ATP13A4: variants seen among roughly 807,000 people sequenced by gnomAD.
ATP13A4 encodes the protein probable cation-transporting ATPase 13A4.
Under a neutral mutation model 142.5 loss-of-function variants are expected in ATP13A4, and 114 were observed. The ratio of observed to expected loss-of-function variants is 0.80; its 90% CI spans 0.69 to 0.93. The LOEUF is 0.93. Among genes scored for constraint, ATP13A4 ranks in the 40% least tolerant of loss-of-function variants. The pLI is 0.00. For synonymous variants in ATP13A4, 488 were observed against 514.8 expected (o/e 0.95, Z 0.70); for missense variants, 1,392 against 1,454.0 (o/e 0.96, Z 0.69).
At chr3:193,557,226 G>A (rs1723921450), upstream of ATP13A4, among the ~76,000 whole-genome samples, 1 of 152,182 alleles carries the variant, frequency 6.6e-6, no homozygotes, top group Non-Finnish European at 1.5e-5. Context: ...ATAAAAATCA[G>A]ATGTCCATGG....
intron 25 of ATP13A4, among the ~76,000 whole-genome samples, chr3:193,420,659 T>C (rs973704450): frequency 6.7e-6 from 1 of 149,018 alleles, no homozygotes; most frequent in Admixed American, 7.0e-5. Context: ...TTAGGAAAAT[T>C]AGGAGAAGAG....
At chr3:193,483,870 A>G in intron 8 of ATP13A4, 66 bp downstream of exon 8, 1 of 1,247,482 alleles carries the variant, frequency 8.0e-7, no homozygotes, top group South Asian at 1.2e-5. Context: ...GCAATCAGAA[A>G]TACAAATTTA....
At position 193,433,840 on chromosome 3, in the gene ATP13A4, C is replaced by T. The variant is rs750071304; in HGVS notation, c.2842+5G>A. On this transcript the variant is annotated splice_donor_5th_base_variant and intron_variant, in intron 25 of 29. Coordinates refer to ENST00000342695, the MANE Select transcript of ATP13A4 (RefSeq NM_032279.4). Reference sequence around the variant, plus strand: ...CTCTGGTAAGAAAGTTTTAAAATGTCTTACTTGTTACACCAATAAGAGTTG... The same window carrying T: ...CTCTGGTAAGAAAGTTTTAAAATGTTTTACTTGTTACACCAATAAGAGTTG... 1 of 1,611,512 alleles carries T rather than the reference C, an allele frequency of 6.2e-7. No individual in the cohort carries two copies. Among genetic ancestry groups the T allele is most frequent in the Non-Finnish European group, 8.5e-7 (1 of 1,177,698 alleles).
At chr3:193,526,560 C>T (rs1462897526) in intron 1 of ATP13A4, among the ~76,000 whole-genome samples, 4 of 152,028 alleles carry the variant, frequency 2.6e-5, no homozygotes, top group African/African-American at 9.7e-5. Flanking sequence ...CTATGGCACA[C>T]GTATATCTAC....
intron 25 of ATP13A4, among the ~76,000 whole-genome samples, chr3:193,423,253 G>T (rs1483788786): frequency 6.7e-6 from 1 of 149,490 alleles, no homozygotes; most frequent in Non-Finnish European, 1.5e-5. Context: ...TTCAGTACCT[G>T]ATGGCTTCTC....
intron 9 of ATP13A4, among the ~76,000 whole-genome samples, chr3:193,469,335 A>G (rs1250635115): frequency 2.0e-5 from 3 of 152,218 alleles, no homozygotes; most frequent in Admixed American, 6.5e-5. Flanking sequence ...TGAGAAATTT[A>G]AAGAATCAGG....
At chr3:193,510,315 TC>T (rs1246144643) in intron 2 of ATP13A4, among the ~76,000 whole-genome samples, 1 of 152,154 alleles carries the variant, frequency 6.6e-6, no homozygotes. Flanking sequence ...GCGAAAATAC[TC>T]CCCATTAAAA....
rs375684599 is a variant in ATP13A4 at position 193,407,398 on chromosome 3, C to T, written c.3298-5G>A. The T allele has an allele frequency of 2.5e-5, 41 of 1,609,018 alleles. No homozygotes were observed. The highest frequency in any genetic ancestry group is 2.2e-4 in the Admixed American group (13 of 59,972). ...CAGGACGGGAGTGCAGAGCAGCTGG[C>T]GGGAGATGATGAAGCACAGTTAGTC... On this transcript the variant is annotated splice_region_variant and splice_polypyrimidine_tract_variant and intron_variant, in intron 28 of 29. Coordinates refer to ENST00000342695, the MANE Select transcript of ATP13A4 (RefSeq NM_032279.4).
intron 8 of ATP13A4, among the ~76,000 whole-genome samples, chr3:193,482,512 A>G (rs75353133): frequency 2.0e-5 from 3 of 152,330 alleles, no homozygotes; most frequent in African/African-American, 7.2e-5. Context: ...TTTGCAAATC[A>G]TTTATCTGAT....
rs567187083 is a variant in ATP13A4 at position 193,400,961 on chromosome 3, G to A, written c.*1691C>T. 3.9e-5 allele frequency among the ~76,000 whole-genome samples: 6 copies of A among 152,312 alleles called. No individual in the cohort carries two copies. In the South Asian group the frequency reaches 1.2e-3, roughly 32 times the overall value. ...ATTTCTTTCTGTACCAAAAAAGACAGTGATTCTGCAGTCTTGAAACACTAA... is the reference window on the plus strand; with the variant it reads ...ATTTCTTTCTGTACCAAAAAAGACAATGATTCTGCAGTCTTGAAACACTAA... On this transcript the variant is annotated 3_prime_UTR_variant, in exon 30 of 30. Transcript: ENST00000342695.
At position 193,440,465 on chromosome 3, in the gene ATP13A4, T is replaced by C; in HGVS notation, c.2519+93A>G. On this transcript the variant is annotated intron_variant, in intron 21 of 29. Transcript: ENST00000342695. ...CAGCCGAAGTACGGACCACTGCCCTTGTCAAACTGAGTGACTCCTGGTACC... is the reference window on the plus strand; with the variant it reads ...CAGCCGAAGTACGGACCACTGCCCTCGTCAAACTGAGTGACTCCTGGTACC... 2.5e-6 allele frequency: 4 copies of C among 1,590,808 alleles called. No individual in the cohort carries two copies. In the South Asian group the frequency reaches 3.4e-5, roughly 14 times the overall value.
chr3:193,423,680 A>G (rs1715509520), intron 25 of ATP13A4, among the ~76,000 whole-genome samples: 1 of 149,996 alleles, frequency 6.7e-6, no homozygotes. Flanking sequence ...ATGCACCTCA[A>G]TGCAATAAAG....
intron 8 of ATP13A4, among the ~76,000 whole-genome samples, chr3:193,474,390 C>T (rs752377287): frequency 7.3e-6 from 1 of 136,644 alleles, no homozygotes; most frequent in Non-Finnish European, 1.6e-5. Context: ...CCCATCTGTA[C>T]AAAAAATACA....
chr3:193,438,489 T>C lies in ATP13A4; in HGVS notation c.2658A>G (p.Val886=). ...TGCCTACTTACTTGATAAGGTGAGG[T>C]ACGCACTCAATGTTTGGAGTTTTGG... The part of the protein sequence containing the change: ...FTSKTPNIEC[V]PHLIKEGRAA... The change falls in exon 23 of 30, where the codon GTA becomes GTG. Residue 886 remains valine (V), a synonymous_variant. Transcript: ENST00000342695. The C allele has an allele frequency of 6.2e-7, 1 of 1,612,432 alleles. No homozygotes were observed. The highest frequency in any genetic ancestry group is 8.5e-7 in the Non-Finnish European group (1 of 1,178,482).
At chr3:193,517,686 G>A (rs1189453243) in intron 1 of ATP13A4, among the ~76,000 whole-genome samples, 2 of 147,786 alleles carry the variant, frequency 1.4e-5, no homozygotes, top group Non-Finnish European at 3.0e-5. Context: ...GGGTTTCACC[G>A]TGTTGGCCAG....
At chr3:193,441,041 C>A (rs2130409) in intron 20 of ATP13A4, among the ~76,000 whole-genome samples, 9,703 of 151,822 alleles carry the variant, frequency 0.064, 390 homozygotes, top group South Asian at 0.14. Context: ...CTAAAACTTA[C>A]CTCCCCCGAC....
intron 1 of ATP13A4, among the ~76,000 whole-genome samples, chr3:193,582,451 G>A (rs1724568959): frequency 6.8e-6 from 1 of 146,164 alleles, no homozygotes; most frequent in African/African-American, 2.5e-5. Flanking sequence ...CTGGCCATAT[G>A]TATACTTTAA....
At chr3:193,516,324 T>C (rs998513382) in intron 1 of ATP13A4, among the ~76,000 whole-genome samples, 1 of 152,252 alleles carries the variant, frequency 6.6e-6, no homozygotes, top group African/African-American at 2.4e-5. Flanking sequence ...AGGTGCCGAA[T>C]GGCTTTCTTA....
At chr3:193,523,703 A>G (rs1033302954) in intron 1 of ATP13A4, among the ~76,000 whole-genome samples, 7 of 152,178 alleles carry the variant, frequency 4.6e-5, no homozygotes, top group East Asian at 3.9e-4. Context: ...GTCCTTTATA[A>G]TAAGCCAGTA....
Sources: allele counts gnomAD v4.1 joint callset (sites outside exome capture counted in the v4.1 genomes callset), GRCh38; gene constraint gnomAD v4.1.1; transcripts MANE v1.5; gene names NCBI Gene and HGNC (gene_info 2026-07-23, HGNC 2026-07-21).